The following TP63 variants were observed in gnomAD, a reference collection of about 807,000 sequenced individuals.
The protein encoded by TP63 is tumor protein 63.
A neutral mutation model predicts 82.8 loss-of-function variants in TP63; 17 were observed. That is an observed-to-expected ratio of 0.21 (90% CI 0.14 to 0.31). The LOEUF is 0.31. Ranked by LOEUF, TP63 falls within the 10% of genes least tolerant of loss-of-function variation. The pLI is 1.00. For missense variants in TP63, 648 were observed against 895.3 expected (o/e 0.72, Z 3.52); for synonymous variants, 330 against 321.7 (o/e 1.03, Z -0.28).
At chr3:189,611,070 G>A in the TP63 span, among the ~76,000 whole-genome samples, 3 of 152,224 alleles carry the variant, frequency 2.0e-5, no homozygotes, top group Non-Finnish European at 1.5e-5. Flanking sequence ...TATAAGATGA[G>A]ATTTGGATGG....
At chr3:189,785,144 C>T (rs551988331) in intron 3 of TP63, among the ~76,000 whole-genome samples, 14 of 152,032 alleles carry the variant, frequency 9.2e-5, no homozygotes, top group East Asian at 3.9e-4. Flanking sequence ...GAATTGAAAG[C>T]GATATTTTTT....
the TP63 span, among the ~76,000 whole-genome samples, chr3:189,605,672 G>A: frequency 6.6e-6 from 1 of 152,124 alleles, no homozygotes; most frequent in African/African-American, 2.4e-5. Context: ...CTGGTAAAAT[G>A]ATGGGACAGG....
At chr3:189,702,296 A>G (rs1717873935) in intron 1 of TP63, among the ~76,000 whole-genome samples, 1 of 152,216 alleles carries the variant, frequency 6.6e-6, no homozygotes, top group Non-Finnish European at 1.5e-5. Flanking sequence ...CAACTTTCCA[A>G]AGGTTCATTT....
At chr3:189,793,338 A>G (rs1266528707) in intron 3 of TP63, among the ~76,000 whole-genome samples, 1 of 152,130 alleles carries the variant, frequency 6.6e-6, no homozygotes, top group Non-Finnish European at 1.5e-5. Context: ...TGTCACACGT[A>G]CAGCAGAAAG....
chr3:189,709,309 A>G (rs1463591594), intron 1 of TP63, among the ~76,000 whole-genome samples: 4 of 152,060 alleles, frequency 2.6e-5, no homozygotes, highest in East Asian at 1.9e-4. Context: ...CTTTTTTTCC[A>G]TAAGAGTTGA....
intron 3 of TP63, among the ~76,000 whole-genome samples, chr3:189,780,058 G>T (rs1002205445): frequency 6.6e-6 from 1 of 151,588 alleles, no homozygotes. Context: ...GAAAAGACAA[G>T]AAATTACAAA....
In TP63 at chr3:189,818,684, A is replaced by G. The variant is rs139603227; in HGVS notation, c.579+10158A>G. Among the ~76,000 whole-genome samples, 31 of 152,248 alleles carry G rather than the reference A, an allele frequency of 2.0e-4. No individual in the cohort carries two copies. The East Asian group carries it at 6.0e-3, about 29-fold the overall frequency. ...GTCTTCATTTTAAGCAATTGAATCC[A>G]TTTTTAATGATATTACTTAAGAATT... On this transcript the variant is annotated intron_variant, in intron 4 of 13. Transcript: ENST00000264731.
At chr3:189,813,210 A>C (rs996249062) in intron 4 of TP63, among the ~76,000 whole-genome samples, 12 of 152,198 alleles carry the variant, frequency 7.9e-5, no homozygotes. Context: ...TGGCAGACTC[A>C]AGATATTAAT....
At position 189,716,907 on chromosome 3, in the gene TP63, T is replaced by C. The variant is rs575508066; in HGVS notation, c.63-20833T>C. 2.5e-3 allele frequency among the ~76,000 whole-genome samples: 386 copies of C among 152,188 alleles called. 2 individuals carry two copies. The highest frequency in any genetic ancestry group is 4.9e-3 in the Non-Finnish European group (333 of 68,010). On this transcript the variant is annotated intron_variant, in intron 1 of 13. Transcript: ENST00000264731. ...TCCACCTCTCAGCTTCAAGTGATTC[T>C]CCTGTCTCAGCCTCCCAAGTAGCTG... is the stretch of plus-strand genomic sequence containing the variant.
At chr3:189,618,696 C>A in the TP63 span, among the ~76,000 whole-genome samples, 1 of 152,196 alleles carries the variant, frequency 6.6e-6, no homozygotes, top group Non-Finnish European at 1.5e-5. Flanking sequence ...ACCCTTCCAA[C>A]TAGCAAATTC....
intron 3 of TP63, among the ~76,000 whole-genome samples, chr3:189,770,119 G>T (rs114508126): frequency 0.025 from 3,810 of 152,236 alleles, 180 homozygotes; most frequent in African/African-American, 0.085. Context: ...GAACTAAATT[G>T]TTAGTGCCTT....
At chr3:189,779,858 G>A (rs1362820044) in intron 3 of TP63, among the ~76,000 whole-genome samples, 1 of 152,172 alleles carries the variant, frequency 6.6e-6, no homozygotes, top group Non-Finnish European at 1.5e-5. Flanking sequence ...GAATGTGAAT[G>A]CTTACTCTGC....
chr3:189,793,832 G>T (rs75742785), intron 3 of TP63, among the ~76,000 whole-genome samples: 1 of 152,106 alleles, frequency 6.6e-6, no homozygotes, highest in South Asian at 2.1e-4. Context: ...CCAAGTGGGC[G>T]CTCAATTTTC....
intron 3 of TP63, among the ~76,000 whole-genome samples, chr3:189,791,340 G>A (rs929057302): frequency 3.9e-5 from 6 of 152,178 alleles, no homozygotes; most frequent in Non-Finnish European, 4.4e-5. Context: ...ATGTAAAGTG[G>A]CAAGAAATGA....
chr3:189,746,644 C>T (rs1332450185), intron 3 of TP63, among the ~76,000 whole-genome samples: 1 of 151,826 alleles, frequency 6.6e-6, no homozygotes, highest in Non-Finnish European at 1.5e-5. Flanking sequence ...ACAAAGACTA[C>T]ACAAAAGTAC....
intron 3 of TP63, chr3:189,789,607 C>G: frequency 7.7e-7 from 1 of 1,290,512 alleles, no homozygotes; most frequent in Non-Finnish European, 9.9e-7. Context: ...AGAAGAGTCC[C>G]GCCTCCTCAT....
intron 4 of TP63, among the ~76,000 whole-genome samples, chr3:189,820,196 T>C (rs577169701): frequency 6.6e-6 from 1 of 152,374 alleles, no homozygotes; most frequent in South Asian, 2.1e-4. Context: ...TACCTTTTGC[T>C]GTAAAAGCTA....
At position 189,868,717 on chromosome 3, in the gene TP63, G is replaced by C. The variant is rs376910274; in HGVS notation, c.1129+1G>C. Reference sequence around the variant, plus strand: ...AAGAACGGTGATGGTACGAAGCGCCGTAAGTAGATGTAGTGGCCAAATGGG... The same window carrying C: ...AAGAACGGTGATGGTACGAAGCGCCCTAAGTAGATGTAGTGGCCAAATGGG... On this transcript the variant is annotated splice_donor_variant, in intron 8 of 13. Transcript: ENST00000264731. LOFTEE classifies it high-confidence loss of function. The C allele has an allele frequency of 6.2e-7, 1 of 1,613,930 alleles. No homozygotes were observed. Among genetic ancestry groups the C allele is most frequent in the South Asian group, 1.1e-5 (1 of 91,064 alleles).
intron 1 of TP63, among the ~76,000 whole-genome samples, chr3:189,633,223 GT>G (rs199622833): frequency 1.3e-5 from 2 of 151,024 alleles, no homozygotes; most frequent in East Asian, 2.0e-4. Context: ...AGTATTTTTG[GT>G]TTTTTTTTAA....
Sources: allele counts gnomAD v4.1 joint callset (sites outside exome capture counted in the v4.1 genomes callset), GRCh38; gene constraint gnomAD v4.1.1; transcripts MANE v1.5; gene names NCBI Gene and HGNC (gene_info 2026-07-23, HGNC 2026-07-21).